The following HECW2 variants were observed in gnomAD, a reference collection of about 807,000 sequenced individuals.
HECW2 encodes E3 ubiquitin-protein ligase HECW2.
In HECW2, 61 loss-of-function variants were observed where a neutral mutation model predicts 175.2. The ratio of observed to expected loss-of-function variants is 0.35; its 90% CI spans 0.28 to 0.43. HECW2 has a LOEUF of 0.43. HECW2 is among the 20% of genes least tolerant of loss of function. The probability of loss-of-function intolerance (pLI) is 1.00; values close to 1 mark genes in which losing one functional copy is unlikely to be tolerated. For missense variants in HECW2, 1,524 were observed against 2,000.5 expected (o/e 0.76, Z 4.54); for synonymous variants, 671 against 731.0 (o/e 0.92, Z 1.32).
Position 196,481,569 on chromosome 2 carries a change from G to T in HECW2, c.-35-48111C>A, listed in dbSNP as rs143583083. 4.1e-4 allele frequency among the ~76,000 whole-genome samples: 63 copies of T among 152,318 alleles called. 1 individual carries two copies. In the Middle Eastern group the frequency reaches 0.01, roughly 25 times the overall value. On this transcript the variant is annotated intron_variant, in intron 1 of 28. Transcript: ENST00000644978. ...GACCATGGTTCAAGCCCTCAGGCTT[G>T]CAAGCTCAAAAACATATTGTGGCAT...
chr2:196,499,578 C>A (rs567761526), intron 1 of HECW2, among the ~76,000 whole-genome samples: 3 of 152,262 alleles, frequency 2.0e-5, no homozygotes, highest in Admixed American at 6.5e-5. Flanking sequence ...TTCTTAGCAT[C>A]TACAGATAGC....
chr2:196,529,690 A>G lies in HECW2; in HGVS notation c.-36+63818T>C, dbSNP rs766845579. Reference sequence around the variant, plus strand: ...AATCCAGACATGGTGATGGCCAGCTACAACCATGCCAGTGAACAAGTCTAC... The same window carrying G: ...AATCCAGACATGGTGATGGCCAGCTGCAACCATGCCAGTGAACAAGTCTAC... On this transcript the variant is annotated intron_variant, in intron 1 of 28. Coordinates refer to ENST00000644978, the MANE Select transcript of HECW2 (RefSeq NM_001348768.2). Among the ~76,000 whole-genome samples the G allele has an allele frequency of 5.3e-5, 8 of 152,250 alleles. 1 individual carries two copies. The highest frequency in any genetic ancestry group is 1.2e-4 in the African/African-American group (5 of 41,474).
At chr2:196,407,029 C>G (rs1694983052) in intron 2 of HECW2, among the ~76,000 whole-genome samples, 1 of 152,070 alleles carries the variant, frequency 6.6e-6, no homozygotes, top group Non-Finnish European at 1.5e-5. Context: ...TATTTATTGC[C>G]ATATCCCAGG....
chr2:196,571,199 A>G (rs1226538865), intron 1 of HECW2, among the ~76,000 whole-genome samples: 3 of 152,230 alleles, frequency 2.0e-5, no homozygotes, highest in African/African-American at 7.2e-5. Context: ...GTCAGATTAC[A>G]TTTAATTTTG....
intron 1 of HECW2, among the ~76,000 whole-genome samples, chr2:196,443,186 G>C (rs775495659): frequency 2.6e-5 from 4 of 152,118 alleles, no homozygotes; most frequent in African/African-American, 4.8e-5. Context: ...TACCAAAACT[G>C]AAGGCAGTTG....
intron 1 of HECW2, among the ~76,000 whole-genome samples, chr2:196,442,685 A>G (rs1696074692): frequency 6.6e-6 from 1 of 152,222 alleles, no homozygotes; most frequent in Non-Finnish European, 1.5e-5. Context: ...ATTATCAAAT[A>G]CTGTTACATA....
At chr2:196,316,887 G>C (rs2105747050) in intron 10 of HECW2, 1 of 165,644 alleles carries the variant, frequency 6.0e-6, no homozygotes, top group East Asian at 1.6e-4. Flanking sequence ...TGAACAAAAA[G>C]GCAGTATATT....
Position 196,439,556 on chromosome 2 carries a change from G to A in HECW2, c.-35-6098C>T, listed in dbSNP as rs181619088. On this transcript the variant is annotated intron_variant, in intron 1 of 28. Coordinates refer to ENST00000644978, the MANE Select transcript of HECW2 (RefSeq NM_001348768.2). Reference sequence around the variant, plus strand: ...TATAGAACTGTTTCTGTATTAAAAAGTAATGACAACCTCCAAACAACTCCC... The same window carrying A: ...TATAGAACTGTTTCTGTATTAAAAAATAATGACAACCTCCAAACAACTCCC... Among the ~76,000 whole-genome samples the A allele has an allele frequency of 2.2e-4, 33 of 152,206 alleles. No individual in the cohort carries two copies. In the South Asian group the frequency reaches 6.4e-3, roughly 30 times the overall value.
intron 1 of HECW2, among the ~76,000 whole-genome samples, chr2:196,493,588 G>C (rs966540892): frequency 1.6e-4 from 25 of 152,124 alleles, no homozygotes; most frequent in African/African-American, 5.8e-4. Flanking sequence ...TAAGTAGACT[G>C]ATTCACCACA....
intron 18 of HECW2, 60 bp downstream of exon 18, chr2:196,257,763 G>A (rs1689119353): frequency 8.6e-7 from 1 of 1,160,294 alleles, no homozygotes; most frequent in Non-Finnish European, 1.3e-6. Flanking sequence ...TTTCTACAAT[G>A]TTCCATGATA....
intron 2 of HECW2, among the ~76,000 whole-genome samples, chr2:196,377,483 A>G (rs1694083319): frequency 6.6e-6 from 1 of 152,208 alleles, no homozygotes; most frequent in Admixed American, 6.5e-5. Flanking sequence ...ACATGGTAGC[A>G]GGCAAGAGAG....
Position 196,325,044 on chromosome 2 carries a change from T to C in HECW2, c.677A>G (p.His226Arg). The change falls in exon 6 of 29, where the codon CAC (histidine) becomes CGC (arginine). Residue 226 changes from histidine to arginine, a missense_variant. By Grantham distance (29) the His-to-Arg change is conservative. This residue lies in a region of HECW2 where 95 missense variants were observed against 136.8 expected (regional missense o/e 0.69). Transcript: ENST00000644978. ...AGTAGACCGTCTCTCCTGCCCGTGG[T>C]GGGCACAGGTGGGGAAACTGCTCTT... ...GKKSSFPTCA[H>R]HGQERRSTII... is the part of the protein sequence containing the mutation. 6.2e-7 allele frequency: 1 copy of C among 1,611,826 alleles called. No homozygotes were observed. The highest frequency in any genetic ancestry group is 8.5e-7 in the Non-Finnish European group (1 of 1,179,154).
At chr2:196,461,305 T>A (rs899342760) in intron 1 of HECW2, among the ~76,000 whole-genome samples, 2 of 152,090 alleles carry the variant, frequency 1.3e-5, no homozygotes, top group Non-Finnish European at 2.9e-5. Flanking sequence ...CACAATAAGA[T>A]ACTATACTAC....
At chr2:196,497,173 T>G (rs1687421697) in intron 1 of HECW2, among the ~76,000 whole-genome samples, 1 of 152,196 alleles carries the variant, frequency 6.6e-6, no homozygotes, top group Admixed American at 6.5e-5. Context: ...AAAATATGCA[T>G]GCTAAAAATG....
intron 10 of HECW2, 92 bp downstream of exon 10, chr2:196,317,182 T>C (rs748795685): frequency 4.2e-5 from 41 of 968,516 alleles, no homozygotes; most frequent in Non-Finnish European, 6.2e-5. Flanking sequence ...TTGAAGACCA[T>C]GTATCCATCT....
intron 2 of HECW2, among the ~76,000 whole-genome samples, chr2:196,379,898 C>CAAAAA (rs5837506): frequency 2.3e-5 from 3 of 127,676 alleles, no homozygotes; most frequent in Non-Finnish European, 1.7e-5. Flanking sequence ...TATTCTCCAG[C>CAAAAA]AAAAAAAAAA....
chr2:196,353,601 C>T (rs957213244), intron 2 of HECW2, among the ~76,000 whole-genome samples: 10 of 152,264 alleles, frequency 6.6e-5, no homozygotes, highest in South Asian at 2.1e-4. Context: ...TACATAGGGG[C>T]GAATCCCTGA....
intron 2 of HECW2, among the ~76,000 whole-genome samples, chr2:196,363,215 T>C (rs985639528): frequency 4.6e-5 from 7 of 151,948 alleles, no homozygotes; most frequent in Non-Finnish European, 1.0e-4. Context: ...ACAACAATAA[T>C]AGCAAGCATG....
intron 13 of HECW2, among the ~76,000 whole-genome samples, chr2:196,296,568 C>G (rs1006801): frequency 0.029 from 4,449 of 152,270 alleles, 117 homozygotes; most frequent in Admixed American, 0.076. Flanking sequence ...GAACAAGGGT[C>G]TCCTAAGCTT....
Sources: gnomAD v4.1 joint callset for allele counts (sites outside exome capture counted in the v4.1 genomes callset) on GRCh38, gnomAD v4.1.1 for gene constraint, gnomAD v4.1.1 regional missense constraint, MANE v1.5 for transcripts, NCBI Gene and HGNC (gene_info 2026-07-23, HGNC 2026-07-21) for gene names.